Variants in LRP2BP observed in about 807,000 individuals in gnomAD.
The protein encoded by LRP2BP is LRP2-binding protein.
Under a neutral mutation model 45.2 loss-of-function variants are expected in LRP2BP, and 38 were observed. The ratio of observed to expected loss-of-function variants is 0.84; its 90% confidence interval spans 0.65 to 1.10. The LOEUF is 1.10. LRP2BP is among the 50% of genes least tolerant of loss of function. The pLI is 0.00. For missense variants in LRP2BP, 385 were observed against 418.9 expected, an observed-to-expected ratio of 0.92 and a Z score of 0.71; for synonymous variants, 153 against 153.9, an observed-to-expected ratio of 0.99 and a Z score of 0.04.
Position 185,366,425 on chromosome 4 carries a change from G to A in LRP2BP, c.*755C>T, listed in dbSNP as rs1388694443. 6.6e-6 allele frequency: 1 copy of A among 152,150 alleles called. No homozygotes were observed. Among genetic ancestry groups the A allele is most frequent in the Admixed American group, 6.5e-5 (1 of 15,278 alleles). 9.4% of individuals were successfully genotyped at this position (152,150 alleles called of 1,614,324 possible). ...TTTATTACACATTCTGCATATGTAT[G>A]TAGCAGTTGTTTTACTCATTAAGAT... On this transcript the variant is annotated 3_prime_UTR_variant, in exon 9 of 9. Transcript: ENST00000505916.
At position 185,364,640 on chromosome 4, in the gene LRP2BP, T is replaced by C. The variant is rs568550216; in HGVS notation, c.*2540A>G. 1.1e-4 allele frequency: 16 copies of C among 152,212 alleles called. No individual in the cohort carries two copies. Among genetic ancestry groups the C allele is most frequent in the Non-Finnish European group, 1.9e-4 (13 of 68,032 alleles). 9.4% of individuals were successfully genotyped at this position (152,212 alleles called of 1,614,324 possible). A position where few individuals can be genotyped will look rare whatever the true frequency, so the allele number is the denominator to read the frequency against. ...AAAATTAGTAAACCAAATGTTATCC[T>C]TAAGATTTTTTTAGTTATAGCTTTT... On this transcript the variant is annotated 3_prime_UTR_variant, in exon 9 of 9. Transcript: ENST00000505916.
intron 1 of LRP2BP, 139 bp downstream of exon 1, chr4:185,394,640 G>A (rs961611329): frequency 9.2e-5 from 49 of 534,582 alleles, no homozygotes; most frequent in Non-Finnish European, 1.1e-4. Flanking sequence ...ACTGCCCCCA[G>A]ACTGAACTAC....
intron 1 of LRP2BP, among the ~76,000 whole-genome samples, chr4:185,379,812 T>TTCTCTCTC (rs34458591): frequency 0.038 from 5,658 of 149,758 alleles, 297 homozygotes; most frequent in African/African-American, 0.11. Context: ...ACCTGCGCAC[T>TTCTCTCTC]TCTCTCTCTC....
At chr4:185,380,197 G>A (rs2095451704) in intron 1 of LRP2BP, among the ~76,000 whole-genome samples, 1 of 152,014 alleles carries the variant, frequency 6.6e-6, no homozygotes, top group African/African-American at 2.4e-5. Context: ...TTATGTTTTG[G>A]GAATTTTTAG....
chr4:185,388,572 T>A (rs2095478898), intron 1 of LRP2BP, among the ~76,000 whole-genome samples: 1 of 152,206 alleles, frequency 6.6e-6, no homozygotes, highest in Non-Finnish European at 1.5e-5. Context: ...TCGGTAAGAA[T>A]AAACCTTAAG....
At chr4:185,383,386 G>T (rs2095461218) in intron 1 of LRP2BP, among the ~76,000 whole-genome samples, 1 of 152,166 alleles carries the variant, frequency 6.6e-6, no homozygotes, top group Non-Finnish European at 1.5e-5. Context: ...AGGCTGAGGG[G>T]GGAAGATCCC....
intron 1 of LRP2BP, among the ~76,000 whole-genome samples, chr4:185,391,165 C>T (rs1209260971): frequency 1.3e-5 from 2 of 152,210 alleles, no homozygotes; most frequent in Non-Finnish European, 1.5e-5. Flanking sequence ...CAACATTCAT[C>T]TGTTTTACTC....
At chr4:185,382,085 G>A (rs2095457495) in intron 1 of LRP2BP, among the ~76,000 whole-genome samples, 1 of 152,026 alleles carries the variant, frequency 6.6e-6, no homozygotes, top group Non-Finnish European at 1.5e-5. Context: ...CTATGGATTT[G>A]CCTATTTTGG....
At chr4:185,378,234 G>A in intron 1 of LRP2BP, 27 bp from the exon 2 acceptor site, 1 of 1,602,870 alleles carries the variant, frequency 6.2e-7, no homozygotes, top group South Asian at 1.1e-5. Context: ...AAAATAAGTG[G>A]TAGAAATTTC....
chr4:185,369,891 GAGTC>G (rs2095409243), intron 8 of LRP2BP: 1 of 348,920 alleles, frequency 2.9e-6, no homozygotes, highest in Non-Finnish European at 5.6e-6. Flanking sequence ...TGTAATATCA[GAGTC>G]AGCCAAGGGA....
intron 1 of LRP2BP, among the ~76,000 whole-genome samples, chr4:185,387,996 C>A (rs1443824199): frequency 1.3e-5 from 2 of 152,154 alleles, no homozygotes; most frequent in Non-Finnish European, 2.9e-5. Context: ...ACAGGAAAAG[C>A]GACGCAGTAG....
At position 185,364,835 on chromosome 4, in the gene LRP2BP, A is replaced by G. The variant is rs755426075; in HGVS notation, c.*2345T>C. 5 of 152,250 alleles carry G rather than the reference A, an allele frequency of 3.3e-5. No individual in the cohort carries two copies. The highest frequency in any genetic ancestry group is 7.3e-5 in the Non-Finnish European group (5 of 68,048). The allele number at this position is 152,250 out of a possible 1,614,324, so 9.4% of individuals were successfully genotyped here. Reference sequence around the variant, plus strand: ...AGCCTGAAGAACTTATCACAATACAATTATGGGAAATGTCTATTTTAGGCA... The same window carrying G: ...AGCCTGAAGAACTTATCACAATACAGTTATGGGAAATGTCTATTTTAGGCA... On this transcript the variant is annotated 3_prime_UTR_variant, in exon 9 of 9. Transcript: ENST00000505916.
At chr4:185,397,035 C>T, upstream of LRP2BP, 2 of 1,609,258 alleles carry the variant, frequency 1.2e-6, no homozygotes, top group South Asian at 1.1e-5. Flanking sequence ...CGGGGACGGA[C>T]CACTGGGCGC....
chr4:185,394,799 T>A lies in LRP2BP; in HGVS notation c.-42A>T, dbSNP rs1291047075. 5 of 985,356 alleles carry A rather than the reference T, an allele frequency of 5.1e-6. No individual in the cohort carries two copies. The highest frequency in any genetic ancestry group is 9.4e-5 in the South Asian group (2 of 21,286). The allele number at this position is 985,356 out of a possible 1,614,324, so 61.0% of individuals were successfully genotyped here. A position where few individuals can be genotyped will look rare whatever the true frequency, so the allele number is the denominator to read the frequency against. ...CTTACTCATCATCCAACGTTTTTTT[T>A]AACACTCGCTGTAAATGGCATCCTC... is the stretch of plus-strand genomic sequence containing the variant. On this transcript the variant is annotated 5_prime_UTR_variant, in exon 1 of 9. An upstream open reading frame in the 5' UTR loses its in-frame stop. Transcript: ENST00000505916.
At chr4:185,381,054 A>G (rs1218638465) in intron 1 of LRP2BP, among the ~76,000 whole-genome samples, 2 of 152,206 alleles carry the variant, frequency 1.3e-5, no homozygotes, top group Non-Finnish European at 2.9e-5. Flanking sequence ...ATCAAGAAAG[A>G]GATCCTTACC....
chr4:185,372,765 TG>T, intron 7 of LRP2BP, 90 bp downstream of exon 7: 1 of 1,136,844 alleles, frequency 8.8e-7, no homozygotes, highest in Non-Finnish European at 1.3e-6. Flanking sequence ...TCCTGGCCTC[TG>T]GAACTGTGAG....
At chr4:185,379,845 T>C (rs1162904303) in intron 1 of LRP2BP, among the ~76,000 whole-genome samples, 1 of 149,574 alleles carries the variant, frequency 6.7e-6, no homozygotes, top group Non-Finnish European at 1.5e-5. Flanking sequence ...TGAGACAGCG[T>C]CTCACTCTGT....
chr4:185,386,117 T>C (rs866179971), intron 1 of LRP2BP, among the ~76,000 whole-genome samples: 1 of 152,210 alleles, frequency 6.6e-6, no homozygotes, highest in Non-Finnish European at 1.5e-5. Context: ...ACCATTATTA[T>C]GCAGTCACAT....
At chr4:185,375,487 A>AAAAAAAAATATATATATATAT (rs1554018308) in intron 4 of LRP2BP, 126 bp downstream of exon 4, 1 of 12,016 alleles carries the variant, frequency 8.3e-5, no homozygotes, top group East Asian at 2.6e-3. Flanking sequence ...AAAAAAAAAA[A>AAAAAAAAATATATATATATAT]ATATATATAT....
Sources: gnomAD v4.1 joint callset for allele counts (sites outside exome capture counted in the v4.1 genomes callset) on GRCh38, gnomAD v4.1.1 for gene constraint, MANE v1.5 for transcripts, NCBI Gene and HGNC (gene_info 2026-07-23, HGNC 2026-07-21) for gene names.